The following AXDND1 variants were observed in gnomAD, a reference collection of about 807,000 sequenced individuals.
AXDND1 encodes the protein axonemal dynein light chain domain-containing protein 1.
In AXDND1, 110 loss-of-function variants were observed where a neutral mutation model predicts 137.5. That is an observed-to-expected ratio of 0.80 (90% CI 0.69 to 0.94). The LOEUF is 0.94. Among genes scored for constraint, AXDND1 ranks in the 40% least tolerant of loss-of-function variants. The pLI, the probability that AXDND1 is intolerant of heterozygous loss-of-function variation, is 0.00. For missense variants in AXDND1, 1,191 were observed against 1,169.8 expected (o/e 1.02, Z -0.26); for synonymous variants, 414 against 399.7 (o/e 1.04, Z -0.43).
intron 16 of AXDND1, chr1:179,457,138 C>T (rs1320797736): frequency 3.3e-6 from 3 of 909,360 alleles, no homozygotes; most frequent in East Asian, 4.8e-5. Flanking sequence ...CATCCACCTT[C>T]TCCGCAGTGG....
chr1:179,553,806 C>T (rs998020968), intron 25 of AXDND1, among the ~76,000 whole-genome samples: 10 of 152,090 alleles, frequency 6.6e-5, no homozygotes, highest in Admixed American at 3.3e-4. Flanking sequence ...GAGTGCAATG[C>T]ACAATCTCGA....
intron 16 of AXDND1, among the ~76,000 whole-genome samples, chr1:179,466,944 T>G (rs1289184166): frequency 6.6e-6 from 1 of 152,184 alleles, no homozygotes; most frequent in African/African-American, 2.4e-5. Context: ...TCTGTTCCAC[T>G]GTTATTCTTA....
At chr1:179,540,121 T>A (rs1266454296) in intron 25 of AXDND1, among the ~76,000 whole-genome samples, 1 of 152,110 alleles carries the variant, frequency 6.6e-6, no homozygotes, top group African/African-American at 2.4e-5. Context: ...TTTAGCTTCC[T>A]TGAGATGGGT....
At chr1:179,511,159 T>C (rs1359279033) in intron 21 of AXDND1, among the ~76,000 whole-genome samples, 1 of 151,376 alleles carries the variant, frequency 6.6e-6, no homozygotes, top group Non-Finnish European at 1.5e-5. Flanking sequence ...AGAGTGAGAC[T>C]CTGTCCCCCA....
In AXDND1 at chr1:179,549,724, G is replaced by A. The variant is rs190958983; in HGVS notation, c.3032-4788G>A. ...GTGTGAAAAGTGACCAACAACCCTC[G>A]GTGCCATCTTAATTCCAATAACCAA... On this transcript the variant is annotated intron_variant, in intron 25 of 25. Coordinates refer to ENST00000367618, the MANE Select transcript of AXDND1 (RefSeq NM_144696.6). 3.0e-4 allele frequency among the ~76,000 whole-genome samples: 45 copies of A among 152,050 alleles called. 1 individual carries two copies. The East Asian group carries it at 7.5e-3, about 25-fold the overall frequency.
At chr1:179,366,795 C>T (rs1259345779) in intron 2 of AXDND1, among the ~76,000 whole-genome samples, 189 bp downstream of exon 2, 1 of 44,484 alleles carries the variant, frequency 2.2e-5, no homozygotes, top group East Asian at 8.3e-4. Flanking sequence ...TGTTTCACTA[C>T]TCCATCTAAA....
intron 11 of AXDND1, among the ~76,000 whole-genome samples, chr1:179,405,002 C>T (rs779424799): frequency 1.3e-5 from 2 of 151,816 alleles, no homozygotes; most frequent in Non-Finnish European, 2.9e-5. Flanking sequence ...GTTTGCTGCA[C>T]CCATCAACCC....
rs149423234 is a variant in AXDND1 at position 179,473,991 on chromosome 1, A to G, written c.1997+5350A>G. Reference sequence around the variant, plus strand: ...GTAATCCTAACATTTTGGGAGGCCAACGTGGGCGGATCACCTGAGGTCAGG... The same window carrying G: ...GTAATCCTAACATTTTGGGAGGCCAGCGTGGGCGGATCACCTGAGGTCAGG... On this transcript the variant is annotated intron_variant, in intron 17 of 25. Transcript: ENST00000367618. 6.4e-3 allele frequency among the ~76,000 whole-genome samples: 981 copies of G among 152,288 alleles called. 11 individuals are homozygous for G. Among genetic ancestry groups the G allele is most frequent in the African/African-American group, 0.023 (935 of 41,544 alleles).
At chr1:179,475,330 C>T (rs6658883) in intron 17 of AXDND1, among the ~76,000 whole-genome samples, 21,015 of 152,186 alleles carry the variant, frequency 0.14, 1,598 homozygotes, top group East Asian at 0.35. Context: ...TTGGAAAAGC[C>T]ACAGACATTC....
rs769017403 is a variant in AXDND1, at chr1:179,385,286, A to G, written c.790A>G (p.Met264Val). The change falls in exon 9 of 26, where the codon ATG becomes GTG. Residue 264 changes from methionine (M) to valine (V), a missense_variant. Coordinates refer to ENST00000367618, the MANE Select transcript of AXDND1 (RefSeq NM_144696.6). ...GAAGAAGGAACAGACCATTTACAAC[A>G]TGATATTTCATGAACTTATTCGACA... ...ILKKEQTIYN[M>V]IFHELIRQVS... is the part of the protein sequence containing the mutation. 9.3e-6 allele frequency: 15 copies of G among 1,612,460 alleles called. No homozygotes were observed. The highest frequency in any genetic ancestry group is 1.2e-5 in the Non-Finnish European group (14 of 1,178,506).
At chr1:179,507,531 G>T (rs1330450826) in intron 20 of AXDND1, among the ~76,000 whole-genome samples, 6 of 152,202 alleles carry the variant, frequency 3.9e-5, no homozygotes, top group African/African-American at 1.4e-4. Flanking sequence ...CTTAGGGGCA[G>T]TGGTGTGATA....
At chr1:179,443,212 T>C (rs1021746203) in intron 15 of AXDND1, among the ~76,000 whole-genome samples, 1 of 152,218 alleles carries the variant, frequency 6.6e-6, no homozygotes, top group African/African-American at 2.4e-5. Context: ...TGTTTGATCA[T>C]ATAGCCTCAA....
At chr1:179,458,990 G>A (rs2125431866) in intron 16 of AXDND1, among the ~76,000 whole-genome samples, 1 of 151,606 alleles carries the variant, frequency 6.6e-6, no homozygotes, top group African/African-American at 2.4e-5. Flanking sequence ...TAGAAAATCT[G>A]GAACTATAGG....
chr1:179,552,244 G>A (rs564959597), intron 25 of AXDND1: 96 of 354,878 alleles, frequency 2.7e-4, no homozygotes, highest in African/African-American at 1.8e-3. Flanking sequence ...TTGGGATACA[G>A]TTCTAGGGGA....
At chr1:179,398,851 C>T (rs1240336022) in intron 11 of AXDND1, among the ~76,000 whole-genome samples, 2 of 148,894 alleles carry the variant, frequency 1.3e-5, no homozygotes, top group East Asian at 4.0e-4. Flanking sequence ...TGTAATGGAT[C>T]AAAGCCTTGT....
chr1:179,401,586 T>C (rs1025769819), intron 11 of AXDND1, among the ~76,000 whole-genome samples: 4 of 152,204 alleles, frequency 2.6e-5, no homozygotes, highest in Non-Finnish European at 5.9e-5. Flanking sequence ...ATGGTTTGGC[T>C]GTGTCCCCAC....
intron 9 of AXDND1, among the ~76,000 whole-genome samples, chr1:179,393,316 G>A (rs7515710): frequency 0.29 from 44,372 of 151,960 alleles, 6,681 homozygotes; most frequent in Non-Finnish European, 0.31. Context: ...AGTCTGTTCC[G>A]TTGGTCTATG....
intron 21 of AXDND1, among the ~76,000 whole-genome samples, chr1:179,518,928 T>C (rs368111796): frequency 1.3e-5 from 2 of 152,318 alleles, no homozygotes; most frequent in Admixed American, 6.5e-5. Context: ...CTGGGTCAAA[T>C]GATATTTCTG....
intron 22 of AXDND1, among the ~76,000 whole-genome samples, chr1:179,528,010 TA>T (rs1558306370): frequency 4.6e-5 from 7 of 152,214 alleles, no homozygotes; most frequent in South Asian, 2.1e-4. Flanking sequence ...AGCACACTTT[TA>T]TGCTAACAGT....
Sources: allele counts gnomAD v4.1 joint callset (sites outside exome capture counted in the v4.1 genomes callset), GRCh38; gene constraint gnomAD v4.1.1; transcripts MANE v1.5; gene names NCBI Gene and HGNC (gene_info 2026-07-23, HGNC 2026-07-21).